Variants in SYNPR observed in about 807,000 individuals in gnomAD.
The protein encoded by SYNPR is synaptoporin.
A neutral mutation model predicts 32.9 loss-of-function variants in SYNPR; 23 were observed. That is an observed-to-expected ratio of 0.70 (90% CI 0.50 to 0.99). SYNPR has a LOEUF of 0.99. Ranked by LOEUF, SYNPR falls within the 50% of genes least tolerant of loss-of-function variation. The pLI is 0.00. For synonymous variants in SYNPR, 146 were observed against 135.9 expected (o/e 1.07, Z -0.52); for missense variants, 318 against 349.3 (o/e 0.91, Z 0.71).
At chr3:63,484,999 G>A (rs1701119085) in intron 3 of SYNPR, among the ~76,000 whole-genome samples, 1 of 152,166 alleles carries the variant, frequency 6.6e-6, no homozygotes, top group African/African-American at 2.4e-5. Flanking sequence ...TTGAAGTAGA[G>A]AGTACAAGTT....
intron 2 of SYNPR, among the ~76,000 whole-genome samples, chr3:63,370,129 A>C (rs879586636): frequency 6.6e-6 from 1 of 152,156 alleles, no homozygotes; most frequent in Non-Finnish European, 1.5e-5. Context: ...AAGCAGCTAG[A>C]CAGCTGGAGG....
chr3:63,339,089 C>G (rs1329675411), intron 2 of SYNPR, among the ~76,000 whole-genome samples: 1 of 152,186 alleles, frequency 6.6e-6, no homozygotes. Flanking sequence ...TTACCTGATA[C>G]ACTGGTGCTT....
At chr3:63,255,520 T>C (rs1223621653) in intron 2 of SYNPR, among the ~76,000 whole-genome samples, 1 of 152,214 alleles carries the variant, frequency 6.6e-6, no homozygotes, top group Non-Finnish European at 1.5e-5. Flanking sequence ...TTTCACTTTT[T>C]AGATGGGCAA....
chr3:63,392,750 C>T (rs1007834954), intron 2 of SYNPR, among the ~76,000 whole-genome samples: 1 of 152,126 alleles, frequency 6.6e-6, no homozygotes, highest in African/African-American at 2.4e-5. Flanking sequence ...TGCTATAACT[C>T]AGTAAGACAC....
chr3:63,333,210 C>T (rs1299276261), intron 2 of SYNPR, among the ~76,000 whole-genome samples: 3 of 151,662 alleles, frequency 2.0e-5, no homozygotes, highest in Non-Finnish European at 4.4e-5. Context: ...TCATTGATTG[C>T]CCTCTATCTC....
intron 2 of SYNPR, among the ~76,000 whole-genome samples, chr3:63,311,470 C>A (rs921466340): frequency 2.0e-5 from 3 of 152,034 alleles, no homozygotes; most frequent in Non-Finnish European, 4.4e-5. Flanking sequence ...TCAGCAGCAG[C>A]ATTCACCCTA....
At chr3:63,355,135 C>T (rs1424710006) in intron 2 of SYNPR, among the ~76,000 whole-genome samples, 1 of 151,930 alleles carries the variant, frequency 6.6e-6, no homozygotes, top group Non-Finnish European at 1.5e-5. Flanking sequence ...AAAAATTAGC[C>T]GGGCATGGTG....
At chr3:63,577,247 T>C (rs77646460) in intron 4 of SYNPR, among the ~76,000 whole-genome samples, 3,008 of 152,276 alleles carry the variant, frequency 0.02, 108 homozygotes, top group African/African-American at 0.068. Context: ...TCTTAGAAAC[T>C]GAAATCTTCC....
chr3:63,531,525 A>G (rs1159879571), intron 3 of SYNPR, among the ~76,000 whole-genome samples: 2 of 152,176 alleles, frequency 1.3e-5, no homozygotes, highest in African/African-American at 2.4e-5. Flanking sequence ...ACCCTACTCG[A>G]GTATAACCTC....
chr3:63,579,615 G>C (rs62250820), intron 4 of SYNPR, among the ~76,000 whole-genome samples: 43,373 of 151,932 alleles, frequency 0.29, 6,713 homozygotes, highest in South Asian at 0.44. Context: ...TGTTTAGAAA[G>C]ATGCTCAACA....
At chr3:63,337,155 C>T (rs576448532) in intron 2 of SYNPR, among the ~76,000 whole-genome samples, 17 of 139,350 alleles carry the variant, frequency 1.2e-4, no homozygotes, top group Non-Finnish European at 2.4e-4. Flanking sequence ...TTGATTGACC[C>T]AAGGAGGCAG....
upstream of SYNPR, among the ~76,000 whole-genome samples, chr3:63,227,967 C>A (rs1318530045): frequency 6.6e-6 from 1 of 152,124 alleles, no homozygotes; most frequent in Non-Finnish European, 1.5e-5. Flanking sequence ...GCATCTGCCA[C>A]AGGCCAGGGT....
chr3:63,232,501 T>C (rs1369901211), intron 1 of SYNPR, among the ~76,000 whole-genome samples: 1 of 152,178 alleles, frequency 6.6e-6, no homozygotes, highest in East Asian at 1.9e-4. Flanking sequence ...CACCGTGCCC[T>C]GCCCCAGATT....
intron 3 of SYNPR, among the ~76,000 whole-genome samples, chr3:63,556,036 C>G (rs1702590188): frequency 6.6e-6 from 1 of 152,114 alleles, no homozygotes; most frequent in African/African-American, 2.4e-5. Flanking sequence ...TGTCAGGGGG[C>G]AGAGTGATTT....
intron 2 of SYNPR, among the ~76,000 whole-genome samples, chr3:63,458,521 T>C (rs748385015): frequency 8.5e-5 from 13 of 152,132 alleles, no homozygotes; most frequent in Non-Finnish European, 1.9e-4. Context: ...CTTGTTCTCA[T>C]GGCAATCACC....
At chr3:63,314,834 C>G (rs1391516392) in intron 2 of SYNPR, among the ~76,000 whole-genome samples, 1 of 151,992 alleles carries the variant, frequency 6.6e-6, no homozygotes, top group Non-Finnish European at 1.5e-5. Flanking sequence ...CCAATCTTAT[C>G]CTCTAGAATT....
intron 4 of SYNPR, among the ~76,000 whole-genome samples, chr3:63,591,534 T>G (rs1424062393): frequency 8.1e-5 from 10 of 123,980 alleles, no homozygotes. Context: ...TTATTCACAA[T>G]AGCAAAGACT....
At chr3:63,241,518 G>C (rs1483637507) in intron 1 of SYNPR, among the ~76,000 whole-genome samples, 1 of 151,954 alleles carries the variant, frequency 6.6e-6, no homozygotes, top group Non-Finnish European at 1.5e-5. Context: ...ATGAGATTTG[G>C]GGGTAAGACC....
At chr3:63,367,571 G>C (rs1000020356) in intron 2 of SYNPR, among the ~76,000 whole-genome samples, 2 of 151,958 alleles carry the variant, frequency 1.3e-5, no homozygotes, top group African/African-American at 4.8e-5. Context: ...GCCCAGCCTC[G>C]TCTCAAACTT....
Sources: allele counts gnomAD v4.1 joint callset (sites outside exome capture counted in the v4.1 genomes callset), GRCh38; gene constraint gnomAD v4.1.1; transcripts MANE v1.5; gene names NCBI Gene and HGNC (gene_info 2026-07-23, HGNC 2026-07-21).